Variants in GNA12 observed in about 807,000 individuals in gnomAD.
GNA12 encodes guanine nucleotide-binding protein subunit alpha-12.
Under a neutral mutation model 26.0 loss-of-function variants are expected in GNA12, and 9 were observed. That is an observed-to-expected ratio of 0.35 (90% confidence interval 0.21 to 0.60). GNA12 has a LOEUF of 0.60. Among genes scored for constraint, GNA12 ranks in the 20% least tolerant of loss-of-function variants. GNA12 has a pLI of 0.78. For synonymous variants in GNA12, 264 were observed against 219.6 expected (o/e 1.20, Z -1.79); for missense variants, 405 against 525.8 (o/e 0.77, Z 2.25).
At chr7:2,743,567 T>C (rs990001166) in intron 2 of GNA12, among the ~76,000 whole-genome samples, 1 of 152,130 alleles carries the variant, frequency 6.6e-6, no homozygotes, top group Non-Finnish European at 1.5e-5. Context: ...GGATCCAAGA[T>C]GGCCGAATAG....
At chr7:2,807,305 A>G (rs983296004) in intron 1 of GNA12, among the ~76,000 whole-genome samples, 1 of 152,224 alleles carries the variant, frequency 6.6e-6, no homozygotes, top group Non-Finnish European at 1.5e-5. Flanking sequence ...TAATACAATA[A>G]TAAGTAATAA....
chr7:2,768,606 G>A (rs539963282), intron 2 of GNA12, among the ~76,000 whole-genome samples: 6 of 149,856 alleles, frequency 4.0e-5, no homozygotes, highest in Non-Finnish European at 8.9e-5. Context: ...ATGCAGTTAC[G>A]TACATTTAGA....
At chr7:2,797,733 G>GGA (rs1792711373) in intron 1 of GNA12, among the ~76,000 whole-genome samples, 1 of 152,222 alleles carries the variant, frequency 6.6e-6, no homozygotes, top group South Asian at 2.1e-4. Flanking sequence ...CAGCTGACCA[G>GGA]GACGGTCTGG....
chr7:2,733,487 C>T lies in GNA12; in HGVS notation c.540G>A (p.Lys180=). Residue 180 remains lysine, a synonymous_variant, in exon 3 of 4, where the codon AAG becomes AAA. Transcript: ENST00000275364. ...RSEFQLGESV[K]YFLDNLDRIG... is the part of the protein sequence containing the mutation. ...TCCGGTCCAAGTTGTCCAGGAAGTA[C>T]TTCACCGACTCCCCCTGTCAGGAAG... is the stretch of plus-strand genomic sequence containing the variant. The T allele has an allele frequency of 1.9e-6, 3 of 1,613,724 alleles. No individual in the cohort carries two copies. Among genetic ancestry groups the T allele is most frequent in the East Asian group, 4.5e-5 (2 of 44,880 alleles).
chr7:2,785,618 G>A (rs918745379), intron 2 of GNA12, among the ~76,000 whole-genome samples: 6 of 152,050 alleles, frequency 3.9e-5, no homozygotes, highest in African/African-American at 1.2e-4. Flanking sequence ...AAAGTGATGC[G>A]GTCTTCATGT....
At position 2,771,754 on chromosome 7, in the gene GNA12, T is replaced by C. The variant is rs574814437; in HGVS notation, c.525+23174A>G. On this transcript the variant is annotated intron_variant, in intron 2 of 3. Transcript: ENST00000275364. ...GCCATAAACATGTGTGTGCAAGTCT[T>C]TGTGTGGACAAATATTTTCACTTCT... 1.5e-4 allele frequency among the ~76,000 whole-genome samples: 23 copies of C among 152,334 alleles called. No homozygotes were observed. The South Asian group carries it at 4.6e-3, about 30-fold the overall frequency.
At chr7:2,823,685 T>G (rs1022211064) in intron 1 of GNA12, among the ~76,000 whole-genome samples, 1 of 151,902 alleles carries the variant, frequency 6.6e-6, no homozygotes, top group African/African-American at 2.4e-5. Flanking sequence ...TCATTCTAGT[T>G]GGCTAGGCAA....
chr7:2,792,629 A>G (rs761445928), intron 2 of GNA12, among the ~76,000 whole-genome samples: 14 of 152,214 alleles, frequency 9.2e-5, no homozygotes, highest in Admixed American at 6.5e-4. Context: ...GTAAACCTCA[A>G]TTTCACATTG....
intron 2 of GNA12, among the ~76,000 whole-genome samples, chr7:2,781,641 T>C (rs969401873): frequency 6.6e-6 from 1 of 152,164 alleles, no homozygotes; most frequent in Non-Finnish European, 1.5e-5. Context: ...TAAAGACATG[T>C]AGCTGTCTTT....
At chr7:2,784,874 A>G (rs1015997952) in intron 2 of GNA12, among the ~76,000 whole-genome samples, 2 of 152,220 alleles carry the variant, frequency 1.3e-5, no homozygotes, top group Non-Finnish European at 2.9e-5. Flanking sequence ...TTATGTATTC[A>G]AATCCATCAT....
chr7:2,796,242 T>A (rs1160324368), intron 1 of GNA12, among the ~76,000 whole-genome samples: 2 of 152,210 alleles, frequency 1.3e-5, no homozygotes, highest in Admixed American at 1.3e-4. Context: ...CTGTATTGTT[T>A]TTAAAGTTTA....
At chr7:2,784,779 C>T (rs1792317789) in intron 2 of GNA12, among the ~76,000 whole-genome samples, 1 of 152,122 alleles carries the variant, frequency 6.6e-6, no homozygotes, top group Admixed American at 6.5e-5. Flanking sequence ...CAGAAAACAC[C>T]TTTGTTATAG....
intron 1 of GNA12, among the ~76,000 whole-genome samples, chr7:2,823,288 G>A (rs1295723935): frequency 6.6e-6 from 1 of 152,090 alleles, no homozygotes; most frequent in Non-Finnish European, 1.5e-5. Context: ...AGACAAGAGG[G>A]AACTATTTAT....
intron 2 of GNA12, among the ~76,000 whole-genome samples, chr7:2,776,054 AT>A (rs922533885): frequency 1.3e-5 from 2 of 151,832 alleles, no homozygotes; most frequent in Admixed American, 6.5e-5. Flanking sequence ...GGGTCTTTTG[AT>A]TTTTTTTTAT....
chr7:2,740,132 T>A (rs75011879), intron 2 of GNA12, among the ~76,000 whole-genome samples: 2 of 152,178 alleles, frequency 1.3e-5, no homozygotes, highest in African/African-American at 2.4e-5. Context: ...ACGGTGGCCA[T>A]CCTACTAGCT....
intron 2 of GNA12, among the ~76,000 whole-genome samples, chr7:2,766,021 G>C (rs1187865006): frequency 1.3e-5 from 2 of 152,108 alleles, no homozygotes; most frequent in Non-Finnish European, 2.9e-5. Flanking sequence ...AAAATGCACA[G>C]TTCAGTGGTG....
Position 2,795,095 on chromosome 7 carries a change from G to A in GNA12, c.358C>T (p.Gln120Ter). 1 of 1,613,716 alleles carries A rather than the reference G, an allele frequency of 6.2e-7. No individual in the cohort carries two copies. Among genetic ancestry groups the A allele is most frequent in the Non-Finnish European group, 8.5e-7 (1 of 1,179,702 alleles). Residue 120 changes from glutamine (Q) to a stop codon, truncating the protein, a stop_gained, in exon 2 of 4, where the codon CAG becomes TAG. Coordinates refer to ENST00000275364, the MANE Select transcript of GNA12 (RefSeq NM_007353.3). LOFTEE classifies it high-confidence loss of function. ...DARDKLGIPW[Q>*]YSENEKHGMF... ...CCATGCTTCTCATTTTCAGAATACTGCCAAGGAATGCCAAGCTTATCTCGT... is the reference window on the plus strand; with the variant it reads ...CCATGCTTCTCATTTTCAGAATACTACCAAGGAATGCCAAGCTTATCTCGT...
chr7:2,828,245 T>G (rs1232620982), intron 1 of GNA12, among the ~76,000 whole-genome samples: 1 of 152,234 alleles, frequency 6.6e-6, no homozygotes, highest in Non-Finnish European at 1.5e-5. Context: ...GAGAAAAGGC[T>G]TTAAATAATC....
At chr7:2,823,974 C>T (rs993586097) in intron 1 of GNA12, among the ~76,000 whole-genome samples, 1 of 152,202 alleles carries the variant, frequency 6.6e-6, no homozygotes, top group African/African-American at 2.4e-5. Flanking sequence ...CCATATGCCA[C>T]CACCATTCTT....
Sources: gnomAD v4.1 joint callset for allele counts (sites outside exome capture counted in the v4.1 genomes callset) on GRCh38, gnomAD v4.1.1 for gene constraint, MANE v1.5 for transcripts, NCBI Gene and HGNC (gene_info 2026-07-23, HGNC 2026-07-21) for gene names.